The following CNOT11 variants were observed in gnomAD, a reference collection of about 807,000 sequenced individuals.
CNOT11 encodes UPF0760 protein C2orf29.
In CNOT11, 18 loss-of-function variants were observed where a neutral mutation model predicts 44.6. The ratio of observed to expected loss-of-function variants is 0.40; its 90% confidence interval spans 0.28 to 0.60. CNOT11 has a LOEUF of 0.60. Ranked by LOEUF, CNOT11 falls within the 20% of genes least tolerant of loss-of-function variation. CNOT11 has a pLI of 0.38. For missense variants in CNOT11, 513 were observed against 677.0 expected, an observed-to-expected ratio of 0.76 and a Z score of 2.69; for synonymous variants, 291 against 270.9, an observed-to-expected ratio of 1.07 and a Z score of -0.73.
intron 3 of CNOT11, among the ~76,000 whole-genome samples, chr2:101,263,525 G>A (rs1256513226): frequency 6.6e-6 from 1 of 152,158 alleles, no homozygotes; most frequent in African/African-American, 2.4e-5. Context: ...TGGAATTACA[G>A]GCATGCACCA....
intron 2 of CNOT11, among the ~76,000 whole-genome samples, chr2:101,259,620 A>G (rs1681807911): frequency 6.6e-6 from 1 of 152,196 alleles, no homozygotes; most frequent in Non-Finnish European, 1.5e-5. Context: ...GTATTTTGAC[A>G]ATGCCCCATC....
chr2:101,269,335 A>G lies in CNOT11; in HGVS notation c.1455A>G (p.Arg485=), dbSNP rs137932829. The G allele has an allele frequency of 1.2e-4, 187 of 1,613,994 alleles. No individual in the cohort carries two copies. Among genetic ancestry groups the G allele is most frequent in the Non-Finnish European group, 1.5e-4 (182 of 1,180,016 alleles). ...QAFCIEFSRI[R]EAAGLFRLLK... ...TCTGTATTGAATTCAGTAGGATACG[A>G]GAAGCTGCTGGTCTTTTCCGGTTGT... Residue 485 remains arginine (R), a synonymous_variant, in exon 7 of 7, where the codon CGA becomes CGG. Transcript: ENST00000289382. The surrounding 1 kb of genome is among the most constrained non-coding windows in gnomAD (Gnocchi z 4.8).
Position 101,253,055 on chromosome 2 carries a change from A to C in CNOT11, c.91A>C (p.Arg31=). ...CCGGGAAGCGGCAGGGTCGGCGTCC[A>C]GGAGCGGCTTCGGGGGCTCCGGCGG... ...GSREAAGSAS[R]SGFGGSGGGR... is the part of the protein sequence containing the mutation. The change falls in exon 1 of 7, where the codon AGG becomes CGG. Residue 31 remains arginine (R), a synonymous_variant. Transcript: ENST00000289382. The surrounding 1 kb of genome is among the most constrained non-coding windows in gnomAD (Gnocchi z 4.3). 1 of 1,517,436 alleles carries C rather than the reference A, an allele frequency of 6.6e-7. No individual in the cohort carries two copies. The highest frequency in any genetic ancestry group is 8.8e-7 in the Non-Finnish European group (1 of 1,138,314). The allele number at this position is 1,517,436 out of a possible 1,614,324, so 94.0% of individuals were successfully genotyped here.
chr2:101,258,176 T>A (rs1038128353), intron 2 of CNOT11, among the ~76,000 whole-genome samples: 5 of 151,974 alleles, frequency 3.3e-5, no homozygotes, highest in Admixed American at 3.3e-4. Context: ...GGCAGATCAT[T>A]TGAGGTCAGG....
chr2:101,264,762 G>T, intron 3 of CNOT11, 83 bp from the exon 4 acceptor site: 1 of 1,083,514 alleles, frequency 9.2e-7, no homozygotes, highest in Non-Finnish European at 1.4e-6. Flanking sequence ...AGATTTCTTT[G>T]CATACTTTAT....
intron 2 of CNOT11, 172 bp from the exon 3 acceptor site, chr2:101,262,367 T>C: frequency 1.8e-6 from 1 of 557,212 alleles, no homozygotes; most frequent in Non-Finnish European, 3.2e-6. Context: ...CAAGAACCTT[T>C]CAACAACGCT....
chr2:101,253,587 G>C lies in CNOT11; in HGVS notation c.514+109G>C. ...GGGAAATTAACTATCCCTGTGAAAT[G>C]ATCATCCTCTTTTTCCGCCTCTCTC... On this transcript the variant is annotated intron_variant, in intron 1 of 6. Transcript: ENST00000289382. The surrounding 1 kb of genome is among the most constrained non-coding windows in gnomAD (Gnocchi z 4.3). The C allele has an allele frequency of 9.6e-7, 1 of 1,037,548 alleles. No homozygotes were observed. The highest frequency in any genetic ancestry group is 1.3e-6 in the Non-Finnish European group (1 of 761,530). 64.3% of individuals were successfully genotyped at this position (1,037,548 alleles called of 1,614,324 possible).
intron 1 of CNOT11, among the ~76,000 whole-genome samples, chr2:101,256,450 C>T (rs1681737037): frequency 1.3e-5 from 2 of 152,054 alleles, no homozygotes; most frequent in Admixed American, 6.5e-5. Context: ...GCAAGAGAGG[C>T]GTGGGGACTA....
At chr2:101,267,585 C>G (rs1369488550) in intron 5 of CNOT11, among the ~76,000 whole-genome samples, 1 of 152,198 alleles carries the variant, frequency 6.6e-6, no homozygotes, top group Non-Finnish European at 1.5e-5. Flanking sequence ...GTGCTCTTCT[C>G]CCAGCCTTTC....
At chr2:101,254,161 T>G (rs1163748659) in intron 1 of CNOT11, among the ~76,000 whole-genome samples, 1 of 152,142 alleles carries the variant, frequency 6.6e-6, no homozygotes, top group Non-Finnish European at 1.5e-5. Flanking sequence ...GGTGATGCTT[T>G]ATGTGGATTT....
chr2:101,257,431 T>C (rs1489131369), intron 1 of CNOT11, among the ~76,000 whole-genome samples: 2 of 150,208 alleles, frequency 1.3e-5, no homozygotes, highest in Non-Finnish European at 3.0e-5. Context: ...AGCTTGGCAG[T>C]CAAAGACAGA....
rs546535080 is a variant in CNOT11 at position 101,262,191 on chromosome 2, A to G, written c.680-348A>G. Reference sequence around the variant, plus strand: ...AACATTGATTTAAAAATATATGTACAGTAAGTCATCACTTAACATCACTGA... The same window carrying G: ...AACATTGATTTAAAAATATATGTACGGTAAGTCATCACTTAACATCACTGA... On this transcript the variant is annotated intron_variant, in intron 2 of 6. Coordinates refer to ENST00000289382, the MANE Select transcript of CNOT11 (RefSeq NM_017546.5). Among the ~76,000 whole-genome samples the G allele has an allele frequency of 5.3e-5, 8 of 152,324 alleles. No homozygotes were observed. The South Asian group carries it at 1.7e-3, about 32-fold the overall frequency.
At chr2:101,260,063 GAACAATGT>G (rs1681818729) in intron 2 of CNOT11, among the ~76,000 whole-genome samples, 1 of 151,986 alleles carries the variant, frequency 6.6e-6, no homozygotes, top group South Asian at 2.1e-4. Context: ...GCAGAGACAA[GAACAATGT>G]AACAATGGTT....
Position 101,257,871 on chromosome 2 carries a change from A to G in CNOT11, c.595A>G (p.Lys199Glu). ...GGCACCCCCACGGGAACTCTTCAAA[A>G]AGACGCCTCGCCAGATTGCACTGAT... The part of the protein sequence containing the change: ...MLAPPRELFK[K>E]TPRQIALMDV... Residue 199 changes from lysine to glutamate, a missense_variant, in exon 2 of 7, where the codon AAG becomes GAG. By Grantham distance (56) the Lys-to-Glu change is moderately conservative (BLOSUM62 1). Coordinates refer to ENST00000289382, the MANE Select transcript of CNOT11 (RefSeq NM_017546.5). 1 of 1,614,070 alleles carries G rather than the reference A, an allele frequency of 6.2e-7. No homozygotes were observed. The highest frequency in any genetic ancestry group is 8.5e-7 in the Non-Finnish European group (1 of 1,179,984).
In CNOT11 at chr2:101,253,388, G is replaced by A. The variant is rs1419996071; in HGVS notation, c.424G>A (p.Ala142Thr). 3 of 1,590,392 alleles carry A rather than the reference G, an allele frequency of 1.9e-6. No individual in the cohort carries two copies. The highest frequency in any genetic ancestry group is 2.6e-6 in the Non-Finnish European group (3 of 1,175,256). Reference protein sequence around the residue: ...WEMYRTEPLAANPFAASFAHL... With the variant: ...WEMYRTEPLATNPFAASFAHL... ...GATGTACCGCACCGAGCCGCTGGCCGCCAACCCCTTCGCCGCCAGCTTCGC... is the reference window on the plus strand; with the variant it reads ...GATGTACCGCACCGAGCCGCTGGCCACCAACCCCTTCGCCGCCAGCTTCGC... The change falls in exon 1 of 7, where the codon GCC becomes ACC. Residue 142 changes from alanine (A) to threonine (T), a missense_variant. Physicochemically the swap from Ala to Thr is moderately conservative, Grantham distance 58 (BLOSUM62 0). Around this residue, in one of 4 missense-constraint regions of CNOT11, gnomAD observed 259 missense variants for 265.7 expected, o/e 0.97. Coordinates refer to ENST00000289382, the MANE Select transcript of CNOT11 (RefSeq NM_017546.5). The surrounding 1 kb of genome is among the most constrained non-coding windows in gnomAD (Gnocchi z 4.3).
At position 101,264,962 on chromosome 2, in the gene CNOT11, G is replaced by A; in HGVS notation, c.950G>A (p.Cys317Tyr). 6.2e-7 allele frequency: 1 copy of A among 1,614,134 alleles called. No homozygotes were observed. Among genetic ancestry groups the A allele is most frequent in the Non-Finnish European group, 8.5e-7 (1 of 1,180,018 alleles). ...GCGATCCAGTGGGATAAATCGATGT[G>A]TGTTAAGAATAGCACTGGTGTGGAG... Reference protein sequence around the residue: ...DHAIQWDKSMCVKNSTGVEIK... With the variant: ...DHAIQWDKSMYVKNSTGVEIK... The change falls in exon 4 of 7, where the codon TGT becomes TAT. Residue 317 changes from cysteine to tyrosine, a missense_variant. Physicochemically the swap from Cys to Tyr is radical, Grantham distance 194. Transcript: ENST00000289382.
At chr2:101,257,286 G>A (rs1262890634) in intron 1 of CNOT11, among the ~76,000 whole-genome samples, 3 of 151,840 alleles carry the variant, frequency 2.0e-5, no homozygotes, top group Admixed American at 2.0e-4. Flanking sequence ...CCAGCTACTT[G>A]GGAGGCTGAG....
In CNOT11 at chr2:101,253,384, G is replaced by T; in HGVS notation, c.420G>T (p.Leu140=). The T allele has an allele frequency of 6.3e-7, 1 of 1,592,962 alleles. No homozygotes were observed. Among genetic ancestry groups the T allele is most frequent in the Non-Finnish European group, 8.5e-7 (1 of 1,176,380 alleles). Residue 140 remains leucine (L), a synonymous_variant, in exon 1 of 7, where the codon CTG becomes CTT. Coordinates refer to ENST00000289382, the MANE Select transcript of CNOT11 (RefSeq NM_017546.5). This position sits in a 1 kb window ranked among gnomAD's most constrained non-coding sequence, Gnocchi z 4.3. Reference sequence around the variant, plus strand: ...GGGAGATGTACCGCACCGAGCCGCTGGCCGCCAACCCCTTCGCCGCCAGCT... The same window carrying T: ...GGGAGATGTACCGCACCGAGCCGCTTGCCGCCAACCCCTTCGCCGCCAGCT... ...LLWEMYRTEP[L]AANPFAASFA... is the part of the protein sequence containing the mutation.
Position 101,253,507 on chromosome 2 carries a change from G to A in CNOT11, c.514+29G>A. 7.0e-7 allele frequency: 1 copy of A among 1,418,718 alleles called. No homozygotes were observed. Among genetic ancestry groups the A allele is most frequent in the Non-Finnish European group, 9.1e-7 (1 of 1,093,560 alleles). The allele number at this position is 1,418,718 out of a possible 1,614,324, so 87.9% of individuals were successfully genotyped here. Reference sequence around the variant, plus strand: ...CCTCCTGAAGCCAGCTGTGCCGTGTGGATAGCGTTAGATTCCGCAGCTTTC... The same window carrying A: ...CCTCCTGAAGCCAGCTGTGCCGTGTAGATAGCGTTAGATTCCGCAGCTTTC... On this transcript the variant is annotated intron_variant, in intron 1 of 6. Transcript: ENST00000289382. The surrounding 1 kb of genome is among the most constrained non-coding windows in gnomAD (Gnocchi z 4.3).
Sources: gnomAD v4.1 joint callset for allele counts (sites outside exome capture counted in the v4.1 genomes callset) on GRCh38, gnomAD v4.1.1 for gene constraint, gnomAD v4.1.1 regional missense constraint, Gnocchi (gnomAD v3.1) non-coding constraint, MANE v1.5 for transcripts, NCBI Gene and HGNC (gene_info 2026-07-23, HGNC 2026-07-21) for gene names.